NAALADL2: variants seen among roughly 807,000 people sequenced by gnomAD.
NAALADL2 encodes inactive N-acetylated-alpha-linked acidic dipeptidase-like protein 2.
In NAALADL2, 76 loss-of-function variants were observed where a neutral mutation model predicts 87.2. That is an observed-to-expected ratio of 0.87 (90% CI 0.72 to 1.05). The LOEUF (loss-of-function observed/expected upper bound fraction) is 1.05, where lower values mean the gene tolerates loss of function less well. NAALADL2 is among the 50% of genes least tolerant of loss of function. The pLI is 0.00. For missense variants in NAALADL2, 1,089 were observed against 945.8 expected, an observed-to-expected ratio of 1.15 and a Z score of -1.99; for synonymous variants, 354 against 331.0, an observed-to-expected ratio of 1.07 and a Z score of -0.75.
chr3:174,615,570 A>G (rs528231603), intron 2 of NAALADL2, among the ~76,000 whole-genome samples: 1 of 152,202 alleles, frequency 6.6e-6, no homozygotes, highest in African/African-American at 2.4e-5. Flanking sequence ...CCTGAGGAAA[A>G]AGTTGCAGGA....
chr3:175,361,769 C>A (rs1231672980), intron 5 of NAALADL2, among the ~76,000 whole-genome samples: 2 of 147,992 alleles, frequency 1.4e-5, no homozygotes, highest in African/African-American at 2.5e-5. Context: ...GGATATTAGC[C>A]CTTTGTCAGA....
At chr3:175,655,761 T>A (rs1356600683) in intron 11 of NAALADL2, among the ~76,000 whole-genome samples, 2 of 152,132 alleles carry the variant, frequency 1.3e-5, no homozygotes, top group Non-Finnish European at 2.9e-5. Flanking sequence ...AAGTATCAGA[T>A]CAGGTTGTCA....
chr3:174,965,404 A>T (rs1282383865), intron 1 of NAALADL2, among the ~76,000 whole-genome samples: 1 of 152,144 alleles, frequency 6.6e-6, no homozygotes, highest in Non-Finnish European at 1.5e-5. Context: ...TTATGTCACT[A>T]AGGCGATTTC....
chr3:175,333,297 G>A (rs961577599), intron 5 of NAALADL2, among the ~76,000 whole-genome samples: 1 of 152,166 alleles, frequency 6.6e-6, no homozygotes, highest in Non-Finnish European at 1.5e-5. Flanking sequence ...AGGTGGATGG[G>A]GCAGCAGCAG....
At chr3:175,747,933 G>A (rs1288612697) in intron 12 of NAALADL2, among the ~76,000 whole-genome samples, 2 of 152,010 alleles carry the variant, frequency 1.3e-5, no homozygotes, top group South Asian at 2.1e-4. Context: ...GCAGTGAGTT[G>A]GAAGTCTTAT....
In NAALADL2 at chr3:174,992,035, T is replaced by G. The variant is rs1176345120; in HGVS notation, c.44-104755T>G. Among the ~76,000 whole-genome samples the G allele has an allele frequency of 3.3e-5, 5 of 152,078 alleles. No homozygotes were observed. The East Asian group carries it at 9.6e-4, about 29-fold the overall frequency. ...TCTACTAAGCAATAACTCCATGATT[T>G]AAATGGCATAGTGAGCCATTAGAGC... On this transcript the variant is annotated intron_variant, in intron 1 of 13. Transcript: ENST00000454872.
rs765229430 is a variant in NAALADL2, at chr3:175,803,102, C to T, written c.2287C>T (p.Gln763Ter). 4 of 1,612,486 alleles carry T rather than the reference C, an allele frequency of 2.5e-6. No homozygotes were observed. Among genetic ancestry groups the T allele is most frequent in the Non-Finnish European group, 3.4e-6 (4 of 1,178,994 alleles). ...CKPLASNETL[Q>*]EALSEVLNSI... is the part of the protein sequence containing the mutation. ...ACCCCTTGCATCAAATGAGACCCTT[C>T]AAGAAGCCCTGTCAGAGGTGTTGAA... Residue 763 changes from glutamine (Q) to a stop codon, truncating the protein, a stop_gained, in exon 14 of 14, where the codon CAA becomes TAA. Coordinates refer to ENST00000454872, the MANE Select transcript of NAALADL2 (RefSeq NM_207015.3). LOFTEE classifies it high-confidence loss of function.
rs552297072 is a variant in NAALADL2, at chr3:175,389,084, AT to A, written c.1091-58142del. Among the ~76,000 whole-genome samples, 40 of 152,260 alleles carry A rather than the reference AT, an allele frequency of 2.6e-4. 1 individual carries two copies. In the South Asian group the frequency reaches 5.6e-3, roughly 21 times the overall value. ...ATGCTTCAGGGGACAGATTACCAAT[AT>A]TTCTAATTAAAGATACTGTTGACCA... On this transcript the variant is annotated intron_variant, in intron 5 of 13. Coordinates refer to ENST00000454872, the MANE Select transcript of NAALADL2 (RefSeq NM_207015.3).
At chr3:175,028,050 C>G (rs1752413823) in intron 1 of NAALADL2, among the ~76,000 whole-genome samples, 1 of 151,952 alleles carries the variant, frequency 6.6e-6, no homozygotes, top group South Asian at 2.1e-4. Context: ...ACTTTGCAAT[C>G]CAGATGTGAG....
intron 10 of NAALADL2, among the ~76,000 whole-genome samples, chr3:175,613,464 C>G (rs1724929028): frequency 6.6e-6 from 1 of 152,118 alleles, no homozygotes; most frequent in African/African-American, 2.4e-5. Context: ...TTATTCATGT[C>G]TGAAATTTAT....
intron 1 of NAALADL2, among the ~76,000 whole-genome samples, chr3:174,987,911 G>A (rs1746193386): frequency 6.7e-6 from 1 of 150,232 alleles, no homozygotes; most frequent in South Asian, 2.1e-4. Context: ...GCCTTAATGG[G>A]TCATCCCACC....
chr3:175,573,225 AC>A (rs771961297), intron 9 of NAALADL2, among the ~76,000 whole-genome samples: 6 of 152,200 alleles, frequency 3.9e-5, no homozygotes, highest in Admixed American at 6.5e-5. Flanking sequence ...CGTATGTAAA[AC>A]AAAATTAATG....
Position 175,808,429 on chromosome 3 carries a change from G to A in NAALADL2, c.*5226G>A, listed in dbSNP as rs1754890355. ...TTAAATGCCAAAATCCAATCATCAAGGCCAAAGAAATGCATGATTACTCTG... is the reference window on the plus strand; with the variant it reads ...TTAAATGCCAAAATCCAATCATCAAAGCCAAAGAAATGCATGATTACTCTG... On this transcript the variant is annotated 3_prime_UTR_variant, in exon 14 of 14. Transcript: ENST00000454872. 1 of 151,750 alleles carries A rather than the reference G, an allele frequency of 6.6e-6. No homozygotes were observed. The highest frequency in any genetic ancestry group is 2.1e-4 in the South Asian group (1 of 4,822). The allele number at this position is 151,750 out of a possible 1,614,324, so 9.4% of individuals were successfully genotyped here. A position where few individuals can be genotyped will look rare whatever the true frequency, so the allele number is the denominator to read the frequency against.
At chr3:174,450,122 A>T (rs1457087232) in intron 1 of NAALADL2, among the ~76,000 whole-genome samples, 1 of 152,058 alleles carries the variant, frequency 6.6e-6, no homozygotes, top group East Asian at 1.9e-4. Context: ...GAGTGTGTTT[A>T]TGTTTTCAGA....
chr3:174,452,284 C>T (rs1429845382), intron 1 of NAALADL2, among the ~76,000 whole-genome samples: 3 of 152,146 alleles, frequency 2.0e-5, no homozygotes, highest in Non-Finnish European at 4.4e-5. Context: ...TCTTCCTTGA[C>T]CCACTTGTTA....
chr3:175,620,327 C>T (rs575380985), intron 10 of NAALADL2, among the ~76,000 whole-genome samples: 2 of 152,176 alleles, frequency 1.3e-5, no homozygotes, highest in Non-Finnish European at 2.9e-5. Flanking sequence ...ACGCTTAGCA[C>T]GCAGCTGAGC....
At chr3:174,859,613 G>T (rs34965955) in intron 1 of NAALADL2, among the ~76,000 whole-genome samples, 163 bp downstream of exon 1, 4 of 152,106 alleles carry the variant, frequency 2.6e-5, no homozygotes, top group Non-Finnish European at 4.4e-5. Context: ...AGCGAGAAAA[G>T]AGGTGGAGAT....
At chr3:174,948,890 A>G (rs1029684625) in intron 1 of NAALADL2, among the ~76,000 whole-genome samples, 2 of 152,210 alleles carry the variant, frequency 1.3e-5, no homozygotes, top group Non-Finnish European at 2.9e-5. Flanking sequence ...CTTATAAACA[A>G]CAGAAATTTT....
chr3:174,471,549 C>T (rs1489930545), intron 1 of NAALADL2, among the ~76,000 whole-genome samples: 1 of 147,980 alleles, frequency 6.8e-6, no homozygotes, highest in Admixed American at 6.9e-5. Context: ...TTTTTTTCTA[C>T]AAAAATTCCA....
Sources: gnomAD v4.1 joint callset for allele counts (sites outside exome capture counted in the v4.1 genomes callset) on GRCh38, gnomAD v4.1.1 for gene constraint, MANE v1.5 for transcripts, NCBI Gene and HGNC (gene_info 2026-07-23, HGNC 2026-07-21) for gene names.